The following SPAG16 variants were observed in gnomAD, a reference collection of about 807,000 sequenced individuals.
SPAG16 encodes the protein sperm-associated antigen 16 protein.
SPAG16 carries 86 observed loss-of-function variants against 80.4 expected under a neutral mutation model. The ratio of observed to expected loss-of-function variants is 1.07; its 90% confidence interval spans 0.90 to 1.28. The LOEUF (loss-of-function observed/expected upper bound fraction) is 1.28, where lower values mean the gene tolerates loss of function less well. SPAG16 is among the 50% of genes most tolerant of loss of function. SPAG16 has a pLI of 0.00. For missense variants in SPAG16, 870 were observed against 765.3 expected, an observed-to-expected ratio of 1.14 and a Z score of -1.61; for synonymous variants, 294 against 265.9, an observed-to-expected ratio of 1.11 and a Z score of -1.03.
intron 11 of SPAG16, among the ~76,000 whole-genome samples, chr2:213,920,985 C>A (rs1223569313): frequency 6.6e-6 from 1 of 152,214 alleles, no homozygotes; most frequent in Non-Finnish European, 1.5e-5. Context: ...TAGGTTGATC[C>A]TTGTCAGTTC....
At chr2:213,519,342 A>G (rs2075570989) in intron 10 of SPAG16, among the ~76,000 whole-genome samples, 1 of 152,122 alleles carries the variant, frequency 6.6e-6, no homozygotes, top group African/African-American at 2.4e-5. Context: ...CTTGAATTGT[A>G]CTCCCATAAT....
At chr2:213,777,658 C>T (rs1201867058) in intron 10 of SPAG16, among the ~76,000 whole-genome samples, 1 of 152,120 alleles carries the variant, frequency 6.6e-6, no homozygotes, top group Non-Finnish European at 1.5e-5. Context: ...CCGCCCGCCT[C>T]GGCCTCCCAA....
intron 10 of SPAG16, among the ~76,000 whole-genome samples, chr2:213,739,055 A>G (rs1399449092): frequency 1.3e-5 from 2 of 152,224 alleles, no homozygotes; most frequent in East Asian, 1.9e-4. Context: ...AAAATCAATC[A>G]TCTTCTGCTC....
intron 11 of SPAG16, among the ~76,000 whole-genome samples, chr2:213,864,868 T>C (rs1167212331): frequency 6.6e-6 from 1 of 151,978 alleles, no homozygotes; most frequent in African/African-American, 2.4e-5. Context: ...CTCAAGTGCC[T>C]AAATAATAAA....
At chr2:214,330,225 C>T (rs901205114) in intron 15 of SPAG16, among the ~76,000 whole-genome samples, 51 of 150,110 alleles carry the variant, frequency 3.4e-4, no homozygotes, top group Admixed American at 7.9e-4. Flanking sequence ...GGCAGTGAGC[C>T]GAGATCACGC....
At chr2:213,980,202 A>G (rs2045628762) in intron 12 of SPAG16, among the ~76,000 whole-genome samples, 1 of 139,912 alleles carries the variant, frequency 7.1e-6, no homozygotes, top group Non-Finnish European at 1.5e-5. Context: ...AATTTTATAT[A>G]TATATATAGA....
At chr2:213,540,028 A>ATT (rs1559234806) in intron 10 of SPAG16, among the ~76,000 whole-genome samples, 1 of 130,456 alleles carries the variant, frequency 7.7e-6, no homozygotes, top group African/African-American at 2.7e-5. Context: ...TATATTTCTT[A>ATT]ATTTTTTTTT....
intron 10 of SPAG16, among the ~76,000 whole-genome samples, chr2:213,640,319 T>G (rs998771200): frequency 3.9e-5 from 6 of 152,214 alleles, no homozygotes; most frequent in African/African-American, 1.4e-4. Flanking sequence ...TTATAGAACC[T>G]TGTTTTTTAA....
At chr2:214,176,537 A>T (rs1290012309) in intron 15 of SPAG16, among the ~76,000 whole-genome samples, 3 of 151,348 alleles carry the variant, frequency 2.0e-5, no homozygotes, top group Admixed American at 1.3e-4. Flanking sequence ...ATGCACAAAG[A>T]AAATGAAATA....
intron 10 of SPAG16, among the ~76,000 whole-genome samples, chr2:213,638,763 G>T (rs1481830977): frequency 6.6e-6 from 1 of 152,084 alleles, no homozygotes; most frequent in African/African-American, 2.4e-5. Context: ...AAGCCCATTT[G>T]TTCTAGGGTA....
chr2:213,836,896 G>A (rs992062587), intron 10 of SPAG16, among the ~76,000 whole-genome samples: 3 of 152,156 alleles, frequency 2.0e-5, no homozygotes, highest in African/African-American at 4.8e-5. Context: ...TTACAGGCAT[G>A]AGCCACCAGG....
At chr2:214,204,937 AAAAT>A (rs1358284885) in intron 15 of SPAG16, among the ~76,000 whole-genome samples, 3 of 152,184 alleles carry the variant, frequency 2.0e-5, no homozygotes, top group Admixed American at 6.5e-5. Context: ...CAAAAAATAA[AAAAT>A]AAATCAGCTG....
chr2:213,688,799 A>C lies in SPAG16; in HGVS notation c.1071-173686A>C, dbSNP rs1035659358. 3.9e-5 allele frequency among the ~76,000 whole-genome samples: 6 copies of C among 152,078 alleles called. No individual in the cohort carries two copies. The East Asian group carries it at 1.2e-3, about 29-fold the overall frequency. On this transcript the variant is annotated intron_variant, in intron 10 of 15. Coordinates refer to ENST00000331683, the MANE Select transcript of SPAG16 (RefSeq NM_024532.5). Reference sequence around the variant, plus strand: ...GCCTCCAAATTAATTTTTCTCCTGCAATCTCTAATCTGCTTCCATCTAGTA... The same window carrying C: ...GCCTCCAAATTAATTTTTCTCCTGCCATCTCTAATCTGCTTCCATCTAGTA...
In SPAG16 at chr2:213,576,879, T is replaced by A. The variant is rs148522087; in HGVS notation, c.1070+86789T>A. Among the ~76,000 whole-genome samples the A allele has an allele frequency of 7.0e-3, 1,063 of 152,058 alleles. 12 individuals are homozygous for A. The highest frequency in any genetic ancestry group is 0.031 in the South Asian group (150 of 4,820). On this transcript the variant is annotated intron_variant, in intron 10 of 15. Transcript: ENST00000331683. ...GGAGGAAGGAGAGGATCAGGAGAAA[T>A]AACAAATGGGTATGAGGCTTAATAC... is the stretch of plus-strand genomic sequence containing the variant.
chr2:214,102,090 A>G (rs914209546), intron 13 of SPAG16, among the ~76,000 whole-genome samples: 5 of 150,168 alleles, frequency 3.3e-5, no homozygotes. Flanking sequence ...CCAATAATAA[A>G]GCATATCTGG....
At chr2:213,411,667 A>G (rs546348415) in intron 9 of SPAG16, among the ~76,000 whole-genome samples, 1 of 152,338 alleles carries the variant, frequency 6.6e-6, no homozygotes, top group African/African-American at 2.4e-5. Flanking sequence ...CAAGATGGCT[A>G]AAACAGTAGT....
intron 10 of SPAG16, among the ~76,000 whole-genome samples, chr2:213,857,034 A>G (rs1461038603): frequency 6.6e-6 from 1 of 152,166 alleles, no homozygotes; most frequent in Non-Finnish European, 1.5e-5. Context: ...ATTAGAGACC[A>G]GCCTGGCCAA....
At chr2:213,846,896 A>G (rs780354210) in intron 10 of SPAG16, among the ~76,000 whole-genome samples, 9 of 152,168 alleles carry the variant, frequency 5.9e-5, no homozygotes, top group Non-Finnish European at 1.2e-4. Context: ...CAGCAGGTCT[A>G]GTCTCTTATC....
intron 15 of SPAG16, among the ~76,000 whole-genome samples, chr2:214,377,508 G>A (rs141281083): frequency 1.7e-3 from 254 of 152,196 alleles, no homozygotes; most frequent in African/African-American, 5.7e-3. Flanking sequence ...TTTCTCTTTC[G>A]TATTATTTTC....
Sources: allele counts gnomAD v4.1 joint callset (sites outside exome capture counted in the v4.1 genomes callset), GRCh38; gene constraint gnomAD v4.1.1; transcripts MANE v1.5; gene names NCBI Gene and HGNC (gene_info 2026-07-23, HGNC 2026-07-21).